Variants in DDI2 observed in about 807,000 individuals in gnomAD.
DDI2 encodes the protein protein DDI1 homolog 2.
In DDI2, 5 loss-of-function variants were observed where a neutral mutation model predicts 48.1. The ratio of observed to expected loss-of-function variants is 0.10; its 90% CI spans 0.05 to 0.22. The LOEUF is 0.22. DDI2 is among the 10% of genes least tolerant of loss of function. The pLI is 1.00. For synonymous variants in DDI2, 205 were observed against 183.6 expected, an observed-to-expected ratio of 1.12 and a Z score of -0.94; for missense variants, 285 against 506.2, an observed-to-expected ratio of 0.56 and a Z score of 4.19.
chr1:15,618,836 A>G (rs1409134478), intron 1 of DDI2, among the ~76,000 whole-genome samples: 1 of 152,244 alleles, frequency 6.6e-6, no homozygotes, highest in African/African-American at 2.4e-5. Context: ...GTCTCCATCA[A>G]GTAAATCTTG....
Position 15,662,047 on chromosome 1 carries a change from TGA to T in DDI2, c.*2261_*2262del, listed in dbSNP as rs1267242323. The T allele has an allele frequency of 5.1e-6, 1 of 195,380 alleles. No individual in the cohort carries two copies. Among genetic ancestry groups the T allele is most frequent in the Non-Finnish European group, 1.1e-5 (1 of 95,164 alleles). The allele number at this position is 195,380 out of a possible 1,614,324, so 12.1% of individuals were successfully genotyped here. ...TTGTGTGTAGCATACTGTTTTAGAATGAGAGTAAATGCTTTGAAAAGCAGAAG... is the reference window on the plus strand; with the variant it reads ...TTGTGTGTAGCATACTGTTTTAGAATGAGTAAATGCTTTGAAAAGCAGAAG... On this transcript the variant is annotated 3_prime_UTR_variant, in exon 10 of 10. Transcript: ENST00000480945.
At chr1:15,651,630 G>T in intron 7 of DDI2, 76 bp from the exon 8 acceptor site, 1 of 1,399,604 alleles carries the variant, frequency 7.1e-7, no homozygotes, top group Non-Finnish European at 9.7e-7. Context: ...TTTGTGATTG[G>T]AGTTTTAAAT....
intron 9 of DDI2, among the ~76,000 whole-genome samples, chr1:15,658,161 T>A (rs1280143612): frequency 6.6e-6 from 1 of 152,056 alleles, no homozygotes; most frequent in Non-Finnish European, 1.5e-5. Flanking sequence ...TATTATTATT[T>A]TTTATTTTGA....
chr1:15,660,475 C>T lies in DDI2; in HGVS notation c.*685C>T. 6.2e-7 allele frequency: 1 copy of T among 1,613,932 alleles called. No individual in the cohort carries two copies. Among genetic ancestry groups the T allele is most frequent in the Non-Finnish European group, 8.5e-7 (1 of 1,179,974 alleles). On this transcript the variant is annotated 3_prime_UTR_variant, in exon 10 of 10. Coordinates refer to ENST00000480945, the MANE Select transcript of DDI2 (RefSeq NM_032341.5). The stretch of plus-strand genomic sequence containing the variant: ...GGACCTTGAGCTTCCTGAAGAAAGG[C>T]AACAGAATCAACACAAAATTGTTGA...
chr1:15,644,136 A>C (rs993186256), intron 6 of DDI2, among the ~76,000 whole-genome samples: 39 of 152,226 alleles, frequency 2.6e-4, no homozygotes, highest in Middle Eastern at 6.8e-3. Context: ...TAATTATGTA[A>C]ATCTCCCTTC....
chr1:15,622,482 G>A (rs991950251), intron 1 of DDI2, among the ~76,000 whole-genome samples: 1 of 152,172 alleles, frequency 6.6e-6, no homozygotes, highest in Non-Finnish European at 1.5e-5. Flanking sequence ...TTATAATTCA[G>A]TCTCTGGGGT....
At chr1:15,652,600 G>A (rs1640208316) in intron 8 of DDI2, among the ~76,000 whole-genome samples, 1 of 151,520 alleles carries the variant, frequency 6.6e-6, no homozygotes, top group African/African-American at 2.4e-5. Flanking sequence ...GAGGCAGGTG[G>A]ATCACGAGGT....
At chr1:15,639,789 T>C (rs1308171443) in intron 5 of DDI2, among the ~76,000 whole-genome samples, 4 of 152,042 alleles carry the variant, frequency 2.6e-5, no homozygotes, top group Non-Finnish European at 5.9e-5. Flanking sequence ...GGAGAATTGC[T>C]TGAGCCCAGG....
At chr1:15,652,317 C>T (rs957402273) in intron 8 of DDI2, among the ~76,000 whole-genome samples, 11 of 151,506 alleles carry the variant, frequency 7.3e-5, no homozygotes, top group African/African-American at 9.7e-5. Flanking sequence ...CTTGGCCTCC[C>T]GAAGTGCTGG....
intron 8 of DDI2, among the ~76,000 whole-genome samples, chr1:15,653,361 A>G (rs972953012): frequency 2.0e-5 from 3 of 151,728 alleles, no homozygotes; most frequent in African/African-American, 7.3e-5. Flanking sequence ...CTGCAGCCTC[A>G]GTCTCAGTCT....
intron 8 of DDI2, chr1:15,656,349 G>A (rs765694883): frequency 3.5e-5 from 44 of 1,256,778 alleles, no homozygotes; most frequent in African/African-American, 4.7e-5. Flanking sequence ...ACATTTGCCC[G>A]TGAATTCTCT....
chr1:15,628,248 T>A (rs1443269921), intron 2 of DDI2, among the ~76,000 whole-genome samples: 2 of 152,176 alleles, frequency 1.3e-5, no homozygotes, highest in Non-Finnish European at 1.5e-5. Context: ...CACCCATATA[T>A]GTTTTTCTGG....
intron 3 of DDI2, among the ~76,000 whole-genome samples, chr1:15,632,922 TTTTTTTTTTAAA>T (rs1376732345): frequency 7.7e-6 from 1 of 129,564 alleles, no homozygotes; most frequent in African/African-American, 3.2e-5. Context: ...CTTTTTTTTT[TTTTTTTTTTAAA>T]AAAAAAAAAA....
rs1454945813 is a variant in DDI2, at chr1:15,663,742, G to C, written c.*3952G>C. 6.6e-6 allele frequency: 1 copy of C among 151,700 alleles called. No individual in the cohort carries two copies. Among genetic ancestry groups the C allele is most frequent in the South Asian group, 2.1e-4 (1 of 4,804 alleles). The allele number at this position is 151,700 out of a possible 1,614,324, so 9.4% of individuals were successfully genotyped here. On this transcript the variant is annotated 3_prime_UTR_variant, in exon 10 of 10. Coordinates refer to ENST00000480945, the MANE Select transcript of DDI2 (RefSeq NM_032341.5). The stretch of plus-strand genomic sequence containing the variant: ...ATGGGACCCTGTATTTGCTTTATGG[G>C]TGGTGGTTTGGGAATGTATTCTAAG...
At chr1:15,648,634 G>A (rs1448574071) in intron 6 of DDI2, among the ~76,000 whole-genome samples, 1 of 152,142 alleles carries the variant, frequency 6.6e-6, no homozygotes, top group African/African-American at 2.4e-5. Context: ...TCAATGAGAG[G>A]AAGTCTTACA....
intron 4 of DDI2, among the ~76,000 whole-genome samples, chr1:15,635,690 C>A (rs1639917575): frequency 6.6e-6 from 1 of 152,162 alleles, no homozygotes; most frequent in Admixed American, 6.5e-5. Context: ...CAGGTGTGAG[C>A]CACTGCGCCT....
intron 8 of DDI2, among the ~76,000 whole-genome samples, 163 bp downstream of exon 8, chr1:15,652,058 C>CTTTTTTTTTTTTTTTTT (rs772990709): frequency 5.3e-4 from 40 of 75,972 alleles, no homozygotes; most frequent in African/African-American, 2.1e-3. Context: ...TTTGATCTTC[C>CTTTTTTTTTTTTTTTTT]TTTTTTTTTT....
rs1438760776 is a variant in DDI2, at chr1:15,657,005, A to G, written c.*46+326A>G. 3.1e-5 allele frequency: 6 copies of G among 193,614 alleles called. No individual in the cohort carries two copies. The East Asian group carries it at 6.9e-4, about 22-fold the overall frequency. The allele number at this position is 193,614 out of a possible 1,614,324, so 12.0% of individuals were successfully genotyped here. A position where few individuals can be genotyped will look rare whatever the true frequency, so the allele number is the denominator to read the frequency against. On this transcript the variant is annotated intron_variant, in intron 9 of 9. Coordinates refer to ENST00000480945, the MANE Select transcript of DDI2 (RefSeq NM_032341.5). ...GCCTCACAACACTTTGTTGTTGGAG[A>G]TAACTATGCTTTCATGGGTTTCATA...
At chr1:15,643,469 T>C in intron 5 of DDI2, 53 bp from the exon 6 acceptor site, 2 of 1,598,670 alleles carry the variant, frequency 1.3e-6, no homozygotes, top group Non-Finnish European at 1.7e-6. Context: ...ATTTTGAGTC[T>C]TCTCACAAAG....
Sources: allele counts gnomAD v4.1 joint callset (sites outside exome capture counted in the v4.1 genomes callset), GRCh38; gene constraint gnomAD v4.1.1; transcripts MANE v1.5; gene names NCBI Gene and HGNC (gene_info 2026-07-23, HGNC 2026-07-21).